The following CSMD1 variants were observed in gnomAD, a reference collection of about 807,000 sequenced individuals.
CSMD1 encodes the protein CUB and Sushi multiple domains 1.
A neutral mutation model predicts 417.5 loss-of-function variants in CSMD1; 213 were observed. That is an observed-to-expected ratio of 0.51 (90% confidence interval 0.46 to 0.57). CSMD1 has a LOEUF of 0.57. Among genes scored for constraint, CSMD1 ranks in the 20% least tolerant of loss-of-function variants. CSMD1 has a pLI of 0.00. For synonymous variants in CSMD1, 2,862 were observed against 1,736.8 expected, an observed-to-expected ratio of 1.65 and a Z score of -16.11; for missense variants, 6,923 against 4,529.7, an observed-to-expected ratio of 1.53 and a Z score of -15.17.
intron 5 of CSMD1, among the ~76,000 whole-genome samples, chr8:3,904,547 T>G (rs190430968): frequency 1.9e-3 from 297 of 152,318 alleles, no homozygotes; most frequent in African/African-American, 6.8e-3. Flanking sequence ...AAAGCTGTTG[T>G]ATGTGAAACA....
In CSMD1 at chr8:4,180,499, G is replaced by C. The variant is rs574632593; in HGVS notation, c.416-148400C>G. Reference sequence around the variant, plus strand: ...GCTAAATGACGAGTTAGTGGGTGCAGCACACCAGCATGGCACATGTATACA... The same window carrying C: ...GCTAAATGACGAGTTAGTGGGTGCACCACACCAGCATGGCACATGTATACA... On this transcript the variant is annotated intron_variant, in intron 3 of 69. Coordinates refer to ENST00000635120, the MANE Select transcript of CSMD1 (RefSeq NM_033225.6). 6.0e-3 allele frequency among the ~76,000 whole-genome samples: 913 copies of C among 151,656 alleles called. 9 individuals carry two copies. The highest frequency in any genetic ancestry group is 0.02 in the African/African-American group (840 of 41,324).
intron 3 of CSMD1, among the ~76,000 whole-genome samples, chr8:4,233,376 T>A (rs1350652024): frequency 6.6e-6 from 1 of 152,200 alleles, no homozygotes; most frequent in Admixed American, 6.5e-5. Context: ...AGTGACTAAG[T>A]ACTATGTTCT....
intron 3 of CSMD1, among the ~76,000 whole-genome samples, chr8:4,378,043 G>C (rs561733542): frequency 1.3e-5 from 2 of 152,270 alleles, no homozygotes; most frequent in Admixed American, 6.5e-5. Context: ...ATACAGGTAA[G>C]TGTAACACCC....
intron 2 of CSMD1, among the ~76,000 whole-genome samples, chr8:4,481,990 C>A (rs1390301603): frequency 6.6e-6 from 1 of 152,142 alleles, no homozygotes; most frequent in Non-Finnish European, 1.5e-5. Context: ...TAGGCTTTAT[C>A]AGTACAAGTC....
chr8:4,575,887 C>T (rs1341214612), intron 2 of CSMD1, among the ~76,000 whole-genome samples: 2 of 152,140 alleles, frequency 1.3e-5, no homozygotes, highest in African/African-American at 4.8e-5. Flanking sequence ...TCATTCATTC[C>T]CCGTGTTACA....
chr8:3,254,262 T>G (rs1800480531), intron 26 of CSMD1, among the ~76,000 whole-genome samples: 1 of 152,224 alleles, frequency 6.6e-6, no homozygotes, highest in Non-Finnish European at 1.5e-5. Context: ...TCTGATGGGC[T>G]TCCCTTTGTG....
chr8:4,566,254 C>G (rs1346037409), intron 2 of CSMD1, among the ~76,000 whole-genome samples: 1 of 151,904 alleles, frequency 6.6e-6, no homozygotes, highest in Non-Finnish European at 1.5e-5. Flanking sequence ...CACTAAAACA[C>G]TGGTACCTGG....
chr8:4,819,275 T>C (rs185109704), intron 1 of CSMD1, among the ~76,000 whole-genome samples: 2 of 152,256 alleles, frequency 1.3e-5, no homozygotes, highest in African/African-American at 4.8e-5. Context: ...CAAAACCTCA[T>C]CATTAAAAAC....
chr8:3,718,634 C>A (rs1392896797), intron 6 of CSMD1, among the ~76,000 whole-genome samples: 4 of 152,100 alleles, frequency 2.6e-5, no homozygotes, highest in Admixed American at 1.3e-4. Context: ...ATCATTGTGT[C>A]AAGGTAGTAT....
chr8:3,793,216 A>G (rs1799846899), intron 5 of CSMD1, among the ~76,000 whole-genome samples: 3 of 152,062 alleles, frequency 2.0e-5, no homozygotes, highest in Non-Finnish European at 4.4e-5. Flanking sequence ...CTCAACCGCT[A>G]TGGTCTAAGT....
At chr8:4,512,868 T>C (rs1802901297) in intron 2 of CSMD1, among the ~76,000 whole-genome samples, 1 of 151,880 alleles carries the variant, frequency 6.6e-6, no homozygotes, top group South Asian at 2.1e-4. Flanking sequence ...TTTCGAACTT[T>C]AAATACCTAT....
chr8:3,347,404 C>T (rs1244132043), intron 22 of CSMD1, among the ~76,000 whole-genome samples: 1 of 152,126 alleles, frequency 6.6e-6, no homozygotes, highest in Non-Finnish European at 1.5e-5. Context: ...ACCTGGGTAC[C>T]CCTGCCATCA....
intron 1 of CSMD1, among the ~76,000 whole-genome samples, chr8:4,971,670 G>C (rs1810247895): frequency 7.1e-6 from 1 of 140,628 alleles, no homozygotes; most frequent in African/African-American, 2.7e-5. Context: ...GCACACATAT[G>C]ACTGAGAACT....
intron 11 of CSMD1, among the ~76,000 whole-genome samples, chr8:3,491,589 T>G (rs1007111712): frequency 1.2e-4 from 19 of 152,134 alleles, no homozygotes; most frequent in Admixed American, 5.9e-4. Context: ...TCTTGCAAAA[T>G]GTCCAAGATT....
intron 47 of CSMD1, among the ~76,000 whole-genome samples, chr8:3,094,924 A>G (rs1815195183): frequency 6.6e-6 from 1 of 152,116 alleles, no homozygotes; most frequent in African/African-American, 2.4e-5. Context: ...TTCACTTTGT[A>G]GAAAAAACTT....
intron 2 of CSMD1, among the ~76,000 whole-genome samples, chr8:4,582,860 A>C (rs1799488147): frequency 6.6e-6 from 1 of 152,160 alleles, no homozygotes; most frequent in Non-Finnish European, 1.5e-5. Flanking sequence ...GGGCTGTGCG[A>C]GGCACTTGCG....
chr8:4,549,109 G>A (rs1007426699), intron 2 of CSMD1, among the ~76,000 whole-genome samples: 4 of 151,914 alleles, frequency 2.6e-5, no homozygotes, highest in African/African-American at 9.7e-5. Context: ...CTTAAGAAAA[G>A]TGGTCATTAA....
chr8:3,451,037 G>C (rs532919090), intron 12 of CSMD1, among the ~76,000 whole-genome samples: 3 of 152,266 alleles, frequency 2.0e-5, no homozygotes, highest in East Asian at 1.9e-4. Flanking sequence ...TCTCATTGTG[G>C]TTTTGATTTG....
chr8:3,875,548 G>A (rs1028724249), intron 5 of CSMD1, among the ~76,000 whole-genome samples: 3 of 152,140 alleles, frequency 2.0e-5, no homozygotes, highest in East Asian at 3.9e-4. Flanking sequence ...AAGGAAAGCA[G>A]GAGAGGCTCC....
Sources: allele counts gnomAD v4.1 joint callset (sites outside exome capture counted in the v4.1 genomes callset), GRCh38; gene constraint gnomAD v4.1.1; transcripts MANE v1.5; gene names NCBI Gene and HGNC (gene_info 2026-07-23, HGNC 2026-07-21).